ZNF600: variants seen among roughly 807,000 people sequenced by gnomAD.
ZNF600 encodes the protein zinc finger protein 600, also known as zinc finger protein KR-ZNF1.
A neutral mutation model predicts 7.3 loss-of-function variants in ZNF600; 4 were observed. That is an observed-to-expected ratio of 0.55 (90% confidence interval 0.27 to 1.25). The LOEUF (loss-of-function observed/expected upper bound fraction) is 1.25, where lower values mean the gene tolerates loss of function less well. ZNF600 is among the 50% of genes most tolerant of loss of function. The pLI, the probability that ZNF600 is intolerant of heterozygous loss-of-function variation, is 0.12. For synonymous variants in ZNF600, 290 were observed against 308.9 expected (o/e 0.94, Z 0.64); for missense variants, 911 against 922.1 (o/e 0.99, Z 0.16).
chr19:52,798,411 G>A, the ZNF600 span: 1 of 396,902 alleles, frequency 2.5e-6, no homozygotes, highest in African/African-American at 2.1e-5. Context: ...AATGCTTGAT[G>A]GCTTGCTATA....
the ZNF600 span, among the ~76,000 whole-genome samples, chr19:52,811,119 C>A: frequency 6.6e-6 from 1 of 150,400 alleles, no homozygotes; most frequent in African/African-American, 2.4e-5. Context: ...GTCTCCAGCT[C>A]CTAACCACGA....
the ZNF600 span, among the ~76,000 whole-genome samples, chr19:52,794,873 T>G: frequency 2.6e-5 from 4 of 152,152 alleles, no homozygotes; most frequent in East Asian, 7.7e-4. Context: ...AAGAAAAAAG[T>G]TTCAGGACCA....
the ZNF600 span, among the ~76,000 whole-genome samples, chr19:52,804,217 C>T: frequency 6.6e-6 from 1 of 152,198 alleles, no homozygotes; most frequent in East Asian, 1.9e-4. Context: ...TTGGCTGGCA[C>T]CTTGCTCTTG....
At chr19:52,813,249 GAAAA>G in the ZNF600 span, among the ~76,000 whole-genome samples, 59 of 62,984 alleles carry the variant, frequency 9.4e-4, 1 homozygote, top group South Asian at 0.014. Context: ...CTTGAATGGT[GAAAA>G]AAAAAAAAAA....
At chr19:52,771,504 C>CCCTAAAATG (rs2062630023) in intron 3 of ZNF600, among the ~76,000 whole-genome samples, 1 of 151,502 alleles carries the variant, frequency 6.6e-6, no homozygotes, top group African/African-American at 2.4e-5. Context: ...AACAGAGTCT[C>CCCTAAAATG]ACTCTGTCAC....
intron 1 of ZNF600, among the ~76,000 whole-genome samples, chr19:52,779,589 G>C (rs1001334414): frequency 3.3e-5 from 5 of 152,146 alleles, no homozygotes; most frequent in African/African-American, 1.2e-4. Context: ...GATGGGCTGT[G>C]TGAAAGGAAA....
chr19:52,766,648 T>C, exon 4 of ZNF600: 1 of 1,614,174 alleles, frequency 6.2e-7, no homozygotes, highest in Non-Finnish European at 8.5e-7. Context: ...AGGGATGACT[T>C]GTGACTGAAG....
chr19:52,765,164 G>T (rs1259147676), exon 4 of ZNF600: 3 of 444,862 alleles, frequency 6.7e-6, no homozygotes, highest in Non-Finnish European at 1.4e-5. Flanking sequence ...TATACTCACT[G>T]CATTGGGAAC....
At chr19:52,799,969 G>A in the ZNF600 span, 28 of 1,612,650 alleles carry the variant, frequency 1.7e-5, no homozygotes, top group East Asian at 3.8e-4. Flanking sequence ...TGAAGCCTAC[G>A]ATGGATTATA....
chr19:52,813,399 C>T, the ZNF600 span, among the ~76,000 whole-genome samples: 9,254 of 130,716 alleles, frequency 0.071, 1,306 homozygotes, highest in African/African-American at 0.23. Context: ...GCCATGGACA[C>T]GTCTCAACAG....
At chr19:52,809,828 C>CGGCGGT in the ZNF600 span, 1 of 551,048 alleles carries the variant, frequency 1.8e-6, no homozygotes, top group Non-Finnish European at 3.2e-6. Flanking sequence ...GCGAAGGCGG[C>CGGCGGT]GGCGGCGGCG....
At chr19:52,819,786 A>G in the ZNF600 span, among the ~76,000 whole-genome samples, 3 of 143,746 alleles carry the variant, frequency 2.1e-5, no homozygotes, top group Non-Finnish European at 3.0e-5. Context: ...GGTTCTGATG[A>G]AATTGACTCC....
intron 1 of ZNF600, among the ~76,000 whole-genome samples, chr19:52,779,769 C>T (rs981851420): frequency 6.6e-6 from 1 of 152,172 alleles, no homozygotes; most frequent in Non-Finnish European, 1.5e-5. Flanking sequence ...AAGGACCCAG[C>T]ACAGTGGCTC....
At chr19:52,793,110 A>G in the ZNF600 span, among the ~76,000 whole-genome samples, 1 of 151,732 alleles carries the variant, frequency 6.6e-6, no homozygotes, top group African/African-American at 2.4e-5. Flanking sequence ...TCCTCAGGTC[A>G]ATGCTGAGTT....
intron 3 of ZNF600, among the ~76,000 whole-genome samples, chr19:52,770,285 C>CA (rs879913750): frequency 1.1e-4 from 16 of 151,780 alleles, no homozygotes; most frequent in South Asian, 6.3e-4. Context: ...ACTAAGAATA[C>CA]AAAAAAAACA....
chr19:52,819,116 GA>G, the ZNF600 span, among the ~76,000 whole-genome samples: 1 of 139,496 alleles, frequency 7.2e-6, no homozygotes, highest in African/African-American at 2.8e-5. Flanking sequence ...TTTGATGTTT[GA>G]AAAAAGAGAA....
chr19:52,776,375 A>C lies in ZNF600; in HGVS notation c.64-1674T>G, dbSNP rs180813418. 2.0e-5 allele frequency among the ~76,000 whole-genome samples: 3 copies of C among 152,162 alleles called. No individual in the cohort carries two copies. The East Asian group carries it at 5.8e-4, about 29-fold the overall frequency. ...AGCATCCTACAAGGTCGCTGAATGG[A>C]CACACACAGGCATACATATAATCCT... On this transcript the variant is annotated intron_variant, in intron 2 of 3. Transcript: ENST00000648973.
At chr19:52,777,922 G>T (rs2062689615) in intron 2 of ZNF600, among the ~76,000 whole-genome samples, 1 of 152,110 alleles carries the variant, frequency 6.6e-6, no homozygotes, top group Admixed American at 6.6e-5. Context: ...CTAAAGCAGG[G>T]ATTAGTTGAG....
chr19:52,793,206 G>A, the ZNF600 span, among the ~76,000 whole-genome samples: 2 of 152,260 alleles, frequency 1.3e-5, no homozygotes, highest in African/African-American at 4.8e-5. Flanking sequence ...TATACTGATT[G>A]ATGTCTCACG....
Sources: allele counts gnomAD v4.1 joint callset (sites outside exome capture counted in the v4.1 genomes callset), GRCh38; gene constraint gnomAD v4.1.1; transcripts MANE v1.5; gene names NCBI Gene and HGNC (gene_info 2026-07-23, HGNC 2026-07-21).